Variants in CELF2 observed in about 807,000 individuals in gnomAD.
CELF2 encodes the protein CUG triplet repeat RNA-binding protein 2.
Under a neutral mutation model 62.6 loss-of-function variants are expected in CELF2, and 8 were observed. That is an observed-to-expected ratio of 0.13 (90% CI 0.07 to 0.23). The LOEUF (loss-of-function observed/expected upper bound fraction) is 0.23. Among genes scored for constraint, CELF2 ranks in the 10% least tolerant of loss-of-function variants. CELF2 has a pLI of 1.00. For synonymous variants in CELF2, 258 were observed against 250.0 expected (o/e 1.03, Z -0.30); for missense variants, 333 against 671.0 (o/e 0.50, Z 5.56).
chr10:10,687,531 C>A, the CELF2 span, among the ~76,000 whole-genome samples: 1 of 152,118 alleles, frequency 6.6e-6, no homozygotes, highest in African/African-American at 2.4e-5. Context: ...ATGGAGACTT[C>A]CTTGAATAAA....
chr10:10,805,882 G>A (rs186463490), intron 1 of CELF2, among the ~76,000 whole-genome samples: 11 of 152,132 alleles, frequency 7.2e-5, no homozygotes, highest in South Asian at 2.1e-4. Flanking sequence ...GTTGAGACTC[G>A]GTAGTCGAGG....
At chr10:11,257,699 T>A in intron 4 of CELF2, 39 bp from the exon 5 acceptor site, 1 of 1,603,820 alleles carries the variant, frequency 6.2e-7, no homozygotes, top group Non-Finnish European at 8.5e-7. Context: ...GAAAAAAAGA[T>A]GAAATGGCCT....
At chr10:10,940,363 G>A (rs567124526) in intron 2 of CELF2, among the ~76,000 whole-genome samples, 7 of 152,288 alleles carry the variant, frequency 4.6e-5, no homozygotes, top group African/African-American at 1.7e-4. Context: ...AAGAACTGTA[G>A]ATAATCCCTG....
chr10:10,811,013 C>T (rs925670737), intron 1 of CELF2, among the ~76,000 whole-genome samples: 8 of 152,164 alleles, frequency 5.3e-5, no homozygotes, highest in African/African-American at 7.2e-5. Context: ...AGAGAGTATG[C>T]GCAGAGCCAT....
Position 11,211,158 on chromosome 10 carries a change from G to T in CELF2, c.272-6267G>T, listed in dbSNP as rs1444960596. 2.6e-5 allele frequency among the ~76,000 whole-genome samples: 4 copies of T among 152,294 alleles called. No homozygotes were observed. In the South Asian group the frequency reaches 6.2e-4, roughly 24 times the overall value. On this transcript the variant is annotated intron_variant, in intron 2 of 12. Coordinates refer to ENST00000633077, the MANE Select transcript of CELF2 (RefSeq NM_001326342.2). The surrounding 1 kb of genome is among the most constrained non-coding windows in gnomAD (Gnocchi z 4.8). ...CCTGGTGTAGTGGCACATGCCTGCAGTCCTGGATACTCAGCAGCCTACAGT... is the reference window on the plus strand; with the variant it reads ...CCTGGTGTAGTGGCACATGCCTGCATTCCTGGATACTCAGCAGCCTACAGT...
the CELF2 span, among the ~76,000 whole-genome samples, chr10:10,637,347 C>T: frequency 2.0e-5 from 3 of 152,168 alleles, no homozygotes; most frequent in Non-Finnish European, 4.4e-5. Flanking sequence ...AGAACTAGAA[C>T]CTCCATCTCT....
intron 9 of CELF2, among the ~76,000 whole-genome samples, chr10:11,307,739 A>G (rs1359768698): frequency 6.6e-6 from 1 of 152,182 alleles, no homozygotes; most frequent in Non-Finnish European, 1.5e-5. Context: ...ATTCCACTGA[A>G]AAGAGCTGAT....
chr10:10,593,583 G>A, the CELF2 span, among the ~76,000 whole-genome samples: 1 of 152,194 alleles, frequency 6.6e-6, no homozygotes, highest in Non-Finnish European at 1.5e-5. Context: ...GCACAGGGAG[G>A]TGTGATAATA....
chr10:10,521,968 C>G, the CELF2 span, among the ~76,000 whole-genome samples: 1 of 152,144 alleles, frequency 6.6e-6, no homozygotes, highest in Non-Finnish European at 1.5e-5. Flanking sequence ...TCTGCTGGTC[C>G]ACACCTGGCT....
chr10:11,092,966 A>G (rs2048734636), intron 1 of CELF2, among the ~76,000 whole-genome samples: 1 of 152,176 alleles, frequency 6.6e-6, no homozygotes, highest in Non-Finnish European at 1.5e-5. Context: ...CTGTTGGGAG[A>G]TGCCTTTCCT....
the CELF2 span, among the ~76,000 whole-genome samples, chr10:10,638,219 TA>T: frequency 2.6e-5 from 4 of 152,314 alleles, no homozygotes; most frequent in South Asian, 8.3e-4. Context: ...GGCATGTGTT[TA>T]AAAAAATTCA....
intron 1 of CELF2, among the ~76,000 whole-genome samples, chr10:10,905,831 TCATGCCA>T (rs1427650878): frequency 6.7e-6 from 1 of 149,486 alleles, no homozygotes; most frequent in Non-Finnish European, 1.5e-5. Flanking sequence ...TGAGCCAAGG[TCATGCCA>T]CTGCACTCCA....
intron 1 of CELF2, among the ~76,000 whole-genome samples, chr10:11,130,254 C>G (rs2059418742): frequency 6.6e-6 from 1 of 152,176 alleles, no homozygotes; most frequent in Non-Finnish European, 1.5e-5. Context: ...GTTGTAATTT[C>G]TGTTTAAACC....
In CELF2 at chr10:10,839,356, C is replaced by T. The variant is rs574631405; in HGVS notation, c.53+40539C>T. On this transcript the variant is annotated intron_variant, in intron 1 of 13. Transcript: ENST00000636488. ...CATAAGCTCATACTGATGTCTTCAG[C>T]TCTATTCCATTACCTTCTCTCCCTG... Among the ~76,000 whole-genome samples the T allele has an allele frequency of 5.9e-5, 9 of 152,278 alleles. No individual in the cohort carries two copies. The South Asian group carries it at 1.9e-3, about 32-fold the overall frequency.
At chr10:10,909,382 G>A (rs367913003) in intron 1 of CELF2, among the ~76,000 whole-genome samples, 11 of 152,288 alleles carry the variant, frequency 7.2e-5, no homozygotes, top group South Asian at 2.1e-4. Flanking sequence ...CACAGACAGC[G>A]GAAGTCCAGG....
chr10:10,700,725 A>G, the CELF2 span, among the ~76,000 whole-genome samples: 14 of 152,324 alleles, frequency 9.2e-5, no homozygotes, highest in African/African-American at 2.6e-4. Flanking sequence ...ATTTCTTCTC[A>G]AATTGATCAT....
chr10:11,048,374 G>A (rs58573279), intron 1 of CELF2, among the ~76,000 whole-genome samples: 8,083 of 152,182 alleles, frequency 0.053, 239 homozygotes, highest in African/African-American at 0.063. Flanking sequence ...TCAGTATTAC[G>A]TATATAAAAG....
At chr10:10,959,887 G>A (rs1308250632) in intron 2 of CELF2, among the ~76,000 whole-genome samples, 3 of 152,180 alleles carry the variant, frequency 2.0e-5, no homozygotes, top group Admixed American at 1.3e-4. Flanking sequence ...TTGAATTATC[G>A]TTTTCCTTTT....
At chr10:11,146,543 C>G (rs2062316243) in intron 1 of CELF2, among the ~76,000 whole-genome samples, 2 of 152,174 alleles carry the variant, frequency 1.3e-5, no homozygotes, top group African/African-American at 4.8e-5. Flanking sequence ...TCATGGTTAA[C>G]TGGTGGAAGG....
Sources: allele counts gnomAD v4.1 joint callset (sites outside exome capture counted in the v4.1 genomes callset), GRCh38; gene constraint gnomAD v4.1.1; non-coding constraint Gnocchi (gnomAD v3.1); transcripts MANE v1.5; gene names NCBI Gene and HGNC (gene_info 2026-07-23, HGNC 2026-07-21).